Variants in MCC observed in about 807,000 individuals in gnomAD.
MCC encodes MCC regulator of Wnt signaling pathway.
A neutral mutation model predicts 116.2 loss-of-function variants in MCC; 90 were observed. The observed-to-expected ratio is 0.77, with a 90% CI of 0.65 to 0.92. The LOEUF (loss-of-function observed/expected upper bound fraction) is 0.92, where lower values mean the gene tolerates loss of function less well. Ranked by LOEUF, MCC falls within the 40% of genes least tolerant of loss-of-function variation. MCC has a pLI of 0.00. For synonymous variants in MCC, 578 were observed against 510.5 expected, an observed-to-expected ratio of 1.13 and a Z score of -1.78; for missense variants, 1,516 against 1,312.2, an observed-to-expected ratio of 1.16 and a Z score of -2.40.
chr5:113,101,779 A>C lies in MCC; in HGVS notation c.1358T>G (p.Met453Arg), dbSNP rs767831289. The change falls in exon 8 of 19, where the codon ATG becomes AGG. Residue 453 changes from methionine to arginine, a missense_variant. Met to Arg is a moderately conservative substitution (Grantham distance 91). Transcript: ENST00000408903. Reference protein sequence around the residue: ...EEELNRTKATMNAIREERDRL... With the variant: ...EEELNRTKATRNAIREERDRL... ...GTCCCGCTCTTCCCGGATGGCATTC[A>C]TGGTGGCCTTAGTCCGGTTCAGTTC... is the stretch of plus-strand genomic sequence containing the variant. The C allele has an allele frequency of 3.1e-6, 5 of 1,613,502 alleles. No individual in the cohort carries two copies. The highest frequency in any genetic ancestry group is 4.2e-6 in the Non-Finnish European group (5 of 1,180,010).
At chr5:113,156,617 T>C (rs549786065) in intron 3 of MCC, among the ~76,000 whole-genome samples, 91 of 152,348 alleles carry the variant, frequency 6.0e-4, no homozygotes, top group African/African-American at 2.0e-3. Flanking sequence ...CTTAGTTCTC[T>C]GTGAAATTTT....
At chr5:113,314,590 T>G (rs545166229) in intron 3 of MCC, among the ~76,000 whole-genome samples, 154 of 152,278 alleles carry the variant, frequency 1.0e-3, no homozygotes, top group Non-Finnish European at 1.7e-3. Context: ...TTGGTCATTT[T>G]TATTTTTATT....
chr5:113,211,017 T>C (rs1763115662), intron 3 of MCC, among the ~76,000 whole-genome samples: 1 of 152,168 alleles, frequency 6.6e-6, no homozygotes, highest in Admixed American at 6.5e-5. Flanking sequence ...TTAGTGGTGT[T>C]AGAGATATGT....
At chr5:113,437,889 A>G (rs1452765522) in intron 1 of MCC, among the ~76,000 whole-genome samples, 1 of 152,172 alleles carries the variant, frequency 6.6e-6, no homozygotes, top group Non-Finnish European at 1.5e-5. Context: ...CAGGAGTGGT[A>G]AAGGGCTCCA....
At chr5:113,174,389 T>C (rs912958209) in intron 3 of MCC, among the ~76,000 whole-genome samples, 1 of 152,194 alleles carries the variant, frequency 6.6e-6, no homozygotes, top group Non-Finnish European at 1.5e-5. Flanking sequence ...AAGGAGCACC[T>C]CTTTTGATCT....
chr5:113,101,727 C>T lies in MCC; in HGVS notation c.1398+12G>A. The T allele has an allele frequency of 2.5e-6, 4 of 1,612,546 alleles. No homozygotes were observed. Among genetic ancestry groups the T allele is most frequent in the Non-Finnish European group, 2.5e-6 (3 of 1,179,978 alleles). ...AGGAAGGGCCTGACCATTATGGATG[C>T]AGCATGCTCACCCTCCTCCGGAGCC... is the stretch of plus-strand genomic sequence containing the variant. On this transcript the variant is annotated intron_variant, in intron 8 of 18. Transcript: ENST00000408903.
intron 3 of MCC, among the ~76,000 whole-genome samples, chr5:113,265,388 C>A (rs1244221990): frequency 6.6e-6 from 1 of 152,146 alleles, no homozygotes; most frequent in Non-Finnish European, 1.5e-5. Context: ...AGAATGAACC[C>A]CAACCTCAAT....
At chr5:113,474,652 T>C (rs60897780) in intron 1 of MCC, among the ~76,000 whole-genome samples, 1,803 of 152,196 alleles carry the variant, frequency 0.012, 37 homozygotes, top group African/African-American at 0.042. Context: ...GTGCCGAGAG[T>C]CCTGGAGGGG....
intron 8 of MCC, among the ~76,000 whole-genome samples, chr5:113,091,763 T>C (rs978709327): frequency 6.6e-6 from 1 of 151,992 alleles, no homozygotes; most frequent in Admixed American, 6.5e-5. Flanking sequence ...CGTGAGCCAG[T>C]AGTCCCAGCT....
At chr5:113,104,153 G>C in intron 7 of MCC, 39 bp downstream of exon 7, 4 of 1,543,892 alleles carry the variant, frequency 2.6e-6, no homozygotes, top group Non-Finnish European at 1.8e-6. Context: ...TTCCCTTTCA[G>C]AACCTCAAAG....
chr5:113,239,668 G>A (rs775462205), intron 3 of MCC, among the ~76,000 whole-genome samples: 3 of 152,208 alleles, frequency 2.0e-5, no homozygotes, highest in Non-Finnish European at 4.4e-5. Flanking sequence ...CCCATTTGTG[G>A]CAAACACTTC....
chr5:113,371,722 G>A (rs1768840774), intron 2 of MCC, among the ~76,000 whole-genome samples: 1 of 152,148 alleles, frequency 6.6e-6, no homozygotes, highest in Admixed American at 6.5e-5. Flanking sequence ...CAAAACATTA[G>A]TTAAAACATT....
intron 3 of MCC, among the ~76,000 whole-genome samples, chr5:113,261,235 T>C (rs1365421869): frequency 6.6e-6 from 1 of 152,196 alleles, no homozygotes; most frequent in Non-Finnish European, 1.5e-5. Context: ...AACACAAAGC[T>C]TATTTTATGC....
At chr5:113,134,550 T>A (rs1477741522) in intron 5 of MCC, among the ~76,000 whole-genome samples, 2 of 141,008 alleles carry the variant, frequency 1.4e-5, no homozygotes, top group Non-Finnish European at 3.0e-5. Context: ...CTTTGGCTAT[T>A]TGGGCTTTTT....
chr5:113,427,557 G>A (rs1212590582), intron 1 of MCC, among the ~76,000 whole-genome samples: 1 of 152,146 alleles, frequency 6.6e-6, no homozygotes, highest in Non-Finnish European at 1.5e-5. Flanking sequence ...TGCACAAGTG[G>A]CATTTGATAT....
chr5:113,096,142 A>C (rs1186476839), intron 8 of MCC, among the ~76,000 whole-genome samples: 1 of 152,194 alleles, frequency 6.6e-6, no homozygotes, highest in Admixed American at 6.5e-5. Flanking sequence ...TCACTGCTAC[A>C]TGGTGGGCCC....
chr5:113,441,583 A>G (rs975850854), intron 1 of MCC, among the ~76,000 whole-genome samples: 1 of 152,118 alleles, frequency 6.6e-6, no homozygotes, highest in Non-Finnish European at 1.5e-5. Context: ...TACCTGTGCC[A>G]TGGTGGTTTG....
At chr5:113,159,807 T>C (rs2150296491) in intron 3 of MCC, among the ~76,000 whole-genome samples, 1 of 152,332 alleles carries the variant, frequency 6.6e-6, no homozygotes, top group Middle Eastern at 3.4e-3. Context: ...GAATTCCAGC[T>C]AGGGGCACCT....
At chr5:113,485,185 A>G (rs1291765762) in intron 1 of MCC, among the ~76,000 whole-genome samples, 2 of 151,968 alleles carry the variant, frequency 1.3e-5, no homozygotes, top group African/African-American at 4.8e-5. Context: ...CCTCCCTGAC[A>G]TTTCCCCTCA....
Sources: gnomAD v4.1 joint callset for allele counts (sites outside exome capture counted in the v4.1 genomes callset) on GRCh38, gnomAD v4.1.1 for gene constraint, MANE v1.5 for transcripts, NCBI Gene and HGNC (gene_info 2026-07-23, HGNC 2026-07-21) for gene names.